CLIC5: variants seen among roughly 807,000 people sequenced by gnomAD.
CLIC5 encodes the protein chloride intracellular channel protein 5.
CLIC5 carries 20 observed loss-of-function variants against 24.7 expected under a neutral mutation model. The ratio of observed to expected loss-of-function variants is 0.81; its 90% CI spans 0.57 to 1.18. CLIC5 has a LOEUF of 1.18. CLIC5 is among the 50% of genes most tolerant of loss of function. CLIC5 has a pLI of 0.00. For missense variants in CLIC5, 341 were observed against 326.1 expected (o/e 1.05, Z -0.35); for synonymous variants, 159 against 135.6 (o/e 1.17, Z -1.20).
chr6:46,041,635 T>A (rs1420616947), intron 1 of CLIC5, among the ~76,000 whole-genome samples: 1 of 152,208 alleles, frequency 6.6e-6, no homozygotes, highest in East Asian at 1.9e-4. Context: ...GTGGTATCAA[T>A]TTAATTACAT....
chr6:46,121,175 C>T, the CLIC5 span, among the ~76,000 whole-genome samples: 3 of 152,050 alleles, frequency 2.0e-5, no homozygotes, highest in South Asian at 2.1e-4. Flanking sequence ...TAAGGGCAGC[C>T]AGAGAGAAAG....
chr6:46,009,947 C>T (rs1766744508), intron 1 of CLIC5, among the ~76,000 whole-genome samples: 1 of 152,096 alleles, frequency 6.6e-6, no homozygotes, highest in South Asian at 2.1e-4. Context: ...CAGACATGGG[C>T]TCTAGTGGGC....
At position 46,052,603 on chromosome 6, in the gene CLIC5, G is replaced by A. The variant is rs561266206; in HGVS notation, c.540+27100C>T. On this transcript the variant is annotated intron_variant, in intron 1 of 5. Coordinates refer to the CLIC5 transcript ENST00000185206. ...ACCCTAGAGAAGCTGTCAGCTTGGA[G>A]TTGGCCCATCCCACAGTGGGTGGGA... Among the ~76,000 whole-genome samples the A allele has an allele frequency of 1.5e-4, 23 of 152,316 alleles. No homozygotes were observed. The South Asian group carries it at 4.6e-3, about 30-fold the overall frequency.
chr6:45,997,654 A>G (rs1766199746), intron 1 of CLIC5, among the ~76,000 whole-genome samples: 1 of 152,158 alleles, frequency 6.6e-6, no homozygotes, highest in Admixed American at 6.5e-5. Context: ...AGTTAAAAAT[A>G]CTCCCAAAAT....
rs957805647 is a variant in CLIC5 at position 45,902,992 on chromosome 6, C to T, written c.*96G>A. 6.8e-5 allele frequency: 89 copies of T among 1,308,880 alleles called. No homozygotes were observed. The highest frequency in any genetic ancestry group is 8.6e-5 in the Non-Finnish European group (80 of 930,654). The allele number at this position is 1,308,880 out of a possible 1,614,324, so 81.1% of individuals were successfully genotyped here. On this transcript the variant is annotated 3_prime_UTR_variant, in exon 6 of 6. Transcript: ENST00000339561. Reference sequence around the variant, plus strand: ...AGATGAGGCTTGATTATAAAAAGTGCGCCTCAAGGCAGTGATACAGAGGAG... The same window carrying T: ...AGATGAGGCTTGATTATAAAAAGTGTGCCTCAAGGCAGTGATACAGAGGAG...
At chr6:46,024,346 G>A (rs908128997) in intron 1 of CLIC5, among the ~76,000 whole-genome samples, 1 of 152,152 alleles carries the variant, frequency 6.6e-6, no homozygotes, top group East Asian at 1.9e-4. Flanking sequence ...TAGTCACAGT[G>A]ATTGGTTCAA....
At chr6:46,025,400 A>C (rs957117440) in intron 1 of CLIC5, among the ~76,000 whole-genome samples, 1 of 152,294 alleles carries the variant, frequency 6.6e-6, no homozygotes, top group Non-Finnish European at 1.5e-5. Context: ...TACTATTGTT[A>C]CCTCATTTTG....
intron 1 of CLIC5, among the ~76,000 whole-genome samples, chr6:46,021,003 C>T (rs1001683226): frequency 2.0e-5 from 3 of 150,114 alleles, no homozygotes; most frequent in African/African-American, 7.4e-5. Flanking sequence ...AAGAATAACA[C>T]CAATTCCATG....
At chr6:46,050,763 T>C (rs945674656) in intron 1 of CLIC5, among the ~76,000 whole-genome samples, 1 of 152,284 alleles carries the variant, frequency 6.6e-6, no homozygotes, top group African/African-American at 2.4e-5. Flanking sequence ...TGGACTCTAC[T>C]GGTCCTCTTT....
chr6:46,023,582 G>C (rs954683900), intron 1 of CLIC5, among the ~76,000 whole-genome samples: 4 of 152,014 alleles, frequency 2.6e-5, no homozygotes, highest in Non-Finnish European at 4.4e-5. Context: ...CTTAAACTAA[G>C]ACACACCCAG....
At chr6:46,081,325 G>C (rs1269568653), upstream of CLIC5, among the ~76,000 whole-genome samples, 2 of 152,248 alleles carry the variant, frequency 1.3e-5, no homozygotes, top group East Asian at 3.9e-4. Context: ...TGACAACCCA[G>C]CTAGGTTGTA....
the CLIC5 span, among the ~76,000 whole-genome samples, chr6:46,129,007 A>G: frequency 1.3e-5 from 2 of 152,224 alleles, no homozygotes; most frequent in African/African-American, 4.8e-5. Flanking sequence ...CCAGTACTGC[A>G]GTTTACTAAT....
At chr6:45,982,380 C>T (rs957592728) in intron 1 of CLIC5, among the ~76,000 whole-genome samples, 2 of 152,082 alleles carry the variant, frequency 1.3e-5, no homozygotes, top group Admixed American at 6.6e-5. Flanking sequence ...TTTTTTTATA[C>T]AGTCACGAAT....
upstream of CLIC5, among the ~76,000 whole-genome samples, chr6:46,082,220 T>C (rs1762938710): frequency 6.6e-6 from 1 of 152,214 alleles, no homozygotes. Flanking sequence ...ATACAGCATG[T>C]TGTCAAGTCC....
chr6:45,883,901 T>C (rs1306408334), intron 6 of CLIC5: 1 of 152,300 alleles, frequency 6.6e-6, no homozygotes, highest in Admixed American at 6.5e-5. Context: ...AGCATGAGAC[T>C]GTTGAAGTAG....
Position 45,914,381 on chromosome 6 carries a change from T to C in CLIC5, c.435A>G (p.Leu145=), listed in dbSNP as rs141553236. 212 of 1,587,706 alleles carry C rather than the reference T, an allele frequency of 1.3e-4. No individual in the cohort carries two copies. Among genetic ancestry groups the C allele is most frequent in the Non-Finnish European group, 1.7e-4 (203 of 1,160,926 alleles). ...AALERGLTKA[L]KKLDDYLNTP... ...TGTTCAGGTAGTCATCCAATTTCTT[T>C]AGAGCCTTGGTTAGGCCTCTTTCAA... The change falls in exon 5 of 6, where the codon CTA becomes CTG. Residue 145 remains leucine (L), a synonymous_variant. Transcript: ENST00000339561.
In CLIC5 at chr6:45,902,793, C is replaced by T. The variant is rs78659056; in HGVS notation, c.*295G>A. 6.9e-3 allele frequency: 2,649 copies of T among 383,198 alleles called. 17 individuals carry two copies. Among genetic ancestry groups the T allele is most frequent in the Non-Finnish European group, 9.0e-3 (1,912 of 212,664 alleles). 23.7% of individuals were successfully genotyped at this position (383,198 alleles called of 1,614,324 possible). A position where few individuals can be genotyped will look rare whatever the true frequency, so the allele number is the denominator to read the frequency against. ...TTGGCAGAAGAAGCTAGTGGCAATC[C>T]CATATGTGGGCTCTCCAACACTGAC... On this transcript the variant is annotated 3_prime_UTR_variant, in exon 6 of 6. Coordinates refer to ENST00000339561, the MANE Select transcript of CLIC5 (RefSeq NM_016929.5).
At chr6:46,019,167 T>C (rs1363553322), upstream of CLIC5, among the ~76,000 whole-genome samples, 1 of 150,356 alleles carries the variant, frequency 6.7e-6, no homozygotes, top group African/African-American at 2.4e-5. Context: ...AGGAAGAGAA[T>C]AGAAAACTGA....
chr6:45,906,633 G>C (rs1445185099), intron 5 of CLIC5, among the ~76,000 whole-genome samples: 6 of 149,696 alleles, frequency 4.0e-5, no homozygotes, highest in Non-Finnish European at 8.8e-5. Context: ...TGCAATCTCT[G>C]CTCACTGCAA....
Sources: allele counts gnomAD v4.1 joint callset (sites outside exome capture counted in the v4.1 genomes callset), GRCh38; gene constraint gnomAD v4.1.1; transcripts MANE v1.5; gene names NCBI Gene and HGNC (gene_info 2026-07-23, HGNC 2026-07-21).